Variants in CALD1 observed in about 807,000 individuals in gnomAD.
CALD1 encodes the protein caldesmon 1, also known as caldesmon.
Under a neutral mutation model 99.9 loss-of-function variants are expected in CALD1, and 33 were observed. That is an observed-to-expected ratio of 0.33 (90% CI 0.25 to 0.44). The LOEUF is 0.44. Ranked by LOEUF, CALD1 falls within the 20% of genes least tolerant of loss-of-function variation. The probability of loss-of-function intolerance (pLI) is 1.00; values close to 1 mark genes in which losing one functional copy is unlikely to be tolerated. For missense variants in CALD1, 861 were observed against 962.1 expected (o/e 0.89, Z 1.39); for synonymous variants, 310 against 325.0 (o/e 0.95, Z 0.50).
upstream of CALD1, among the ~76,000 whole-genome samples, chr7:134,774,796 C>A (rs1417373573): frequency 6.6e-6 from 1 of 152,194 alleles, no homozygotes; most frequent in Non-Finnish European, 1.5e-5. Context: ...TTTCCATAGT[C>A]CAAAATTTGC....
chr7:134,723,757 G>C, the CALD1 span, among the ~76,000 whole-genome samples: 1 of 152,048 alleles, frequency 6.6e-6, no homozygotes, highest in Non-Finnish European at 1.5e-5. Context: ...GGATGCTACT[G>C]AATGTTCCAC....
At chr7:134,808,626 G>A (rs989816158) in intron 1 of CALD1, among the ~76,000 whole-genome samples, 3 of 152,196 alleles carry the variant, frequency 2.0e-5, no homozygotes, top group Non-Finnish European at 4.4e-5. Flanking sequence ...GTACACACAA[G>A]GATGGAGATG....
chr7:134,783,844 G>A lies in CALD1; in HGVS notation c.-130+4095G>A, dbSNP rs1342351017. On this transcript the variant is annotated intron_variant, in intron 1 of 14. Coordinates refer to ENST00000361675, the MANE Select transcript of CALD1 (RefSeq NM_033138.4). The surrounding 1 kb of genome is among the most constrained non-coding windows in gnomAD (Gnocchi z 4.3). ...TCCATGATCTGGAAGGAAGAAAAGA[G>A]GGGGTAAATACACAGATATATAGGT... 6.6e-6 allele frequency among the ~76,000 whole-genome samples: 1 copy of A among 152,146 alleles called. No homozygotes were observed. The highest frequency in any genetic ancestry group is 2.4e-5 in the African/African-American group (1 of 41,428).
chr7:134,740,473 A>G (rs1198748795), upstream of CALD1, among the ~76,000 whole-genome samples: 1 of 152,226 alleles, frequency 6.6e-6, no homozygotes, highest in African/African-American at 2.4e-5. Flanking sequence ...GCAACTTGGC[A>G]GCAGTTGATG....
intron 3 of CALD1, among the ~76,000 whole-genome samples, chr7:134,905,555 G>C (rs1803307843): frequency 6.6e-6 from 1 of 152,022 alleles, no homozygotes; most frequent in South Asian, 2.1e-4. Flanking sequence ...GTTATTCCCT[G>C]TGTTTTCAGA....
intron 7 of CALD1, among the ~76,000 whole-genome samples, chr7:134,943,954 C>T (rs543957543): frequency 2.0e-5 from 3 of 152,278 alleles, no homozygotes; most frequent in East Asian, 1.9e-4. Flanking sequence ...TCCCTAATGA[C>T]GGACATTTTG....
At position 134,947,488 on chromosome 7, in the gene CALD1, C is replaced by A; in HGVS notation, c.1533-20C>A. 5 of 1,562,448 alleles carry A rather than the reference C, an allele frequency of 3.2e-6. No individual in the cohort carries two copies. The highest frequency in any genetic ancestry group is 4.3e-6 in the Non-Finnish European group (5 of 1,153,162). On this transcript the variant is annotated intron_variant, in intron 7 of 14. Transcript: ENST00000361675. ...CAGGCAAAAGCATGTAAACCCCTTT[C>A]CATTGCCCCCCAACCACAGCCGCCC...
intron 3 of CALD1, among the ~76,000 whole-genome samples, chr7:134,925,807 C>CGGAG (rs1804970617): frequency 6.6e-6 from 1 of 152,134 alleles, no homozygotes; most frequent in African/African-American, 2.4e-5. Context: ...ATGTCCCATA[C>CGGAG]GGAGTTTTAT....
the CALD1 span, among the ~76,000 whole-genome samples, chr7:134,725,241 T>C: frequency 0.011 from 1,673 of 152,286 alleles, 33 homozygotes; most frequent in African/African-American, 0.038. Flanking sequence ...TAATTCAATA[T>C]TTCTGGATCT....
intron 1 of CALD1, among the ~76,000 whole-genome samples, chr7:134,748,963 A>T (rs150760259): frequency 3.8e-4 from 58 of 152,292 alleles, no homozygotes; most frequent in African/African-American, 1.4e-3. Context: ...ATGTGAGGAC[A>T]CAGCAAGAAG....
intron 1 of CALD1, among the ~76,000 whole-genome samples, chr7:134,810,523 T>C (rs1009895103): frequency 4.6e-5 from 7 of 152,182 alleles, no homozygotes; most frequent in African/African-American, 1.7e-4. Context: ...GTGTCCCCTG[T>C]GTGATGGCTC....
At chr7:134,900,706 A>C (rs1802928672) in intron 3 of CALD1, among the ~76,000 whole-genome samples, 2 of 152,150 alleles carry the variant, frequency 1.3e-5, no homozygotes, top group African/African-American at 4.8e-5. Context: ...CCATCTGTTA[A>C]AGACATCTGT....
At chr7:134,748,722 A>C (rs865925228) in intron 1 of CALD1, among the ~76,000 whole-genome samples, 1,122 of 29,076 alleles carry the variant, frequency 0.039, 9 homozygotes, top group Middle Eastern at 0.14. Context: ...CCCGCCCCCC[A>C]AAAAAAACCA....
At chr7:134,833,501 T>C (rs1586060730) in intron 1 of CALD1, among the ~76,000 whole-genome samples, 1 of 152,356 alleles carries the variant, frequency 6.6e-6, no homozygotes, top group African/African-American at 2.4e-5. Context: ...AAAACAGCAG[T>C]ACTATTCTTC....
intron 2 of CALD1, among the ~76,000 whole-genome samples, chr7:134,863,515 C>T (rs1333165664): frequency 1.3e-5 from 2 of 152,232 alleles, no homozygotes; most frequent in African/African-American, 2.4e-5. Flanking sequence ...ACTGCATTTA[C>T]ACACGTGCTC....
At chr7:134,940,155 T>C (rs2133050051) in intron 6 of CALD1, among the ~76,000 whole-genome samples, 1 of 152,260 alleles carries the variant, frequency 6.6e-6, no homozygotes, top group South Asian at 2.1e-4. Context: ...AAAAGAACCA[T>C]CGTGAATGCA....
At chr7:134,729,821 A>G in the CALD1 span, among the ~76,000 whole-genome samples, 111,101 of 152,178 alleles carry the variant, frequency 0.73, 42,020 homozygotes, top group East Asian at 0.99. Flanking sequence ...CTGCCTATTG[A>G]AAGCAAAGAT....
At chr7:134,940,735 C>G (rs1806363654) in intron 6 of CALD1, among the ~76,000 whole-genome samples, 1 of 152,174 alleles carries the variant, frequency 6.6e-6, no homozygotes, top group South Asian at 2.1e-4. Flanking sequence ...TCCATCAAAG[C>G]CATCCTAATA....
intron 3 of CALD1, among the ~76,000 whole-genome samples, chr7:134,917,538 C>A (rs10241656): frequency 0.49 from 73,658 of 151,698 alleles, 18,493 homozygotes; most frequent in East Asian, 0.86. Flanking sequence ...TTAGTAGAGA[C>A]GGAGTTTCAC....
Sources: allele counts gnomAD v4.1 joint callset (sites outside exome capture counted in the v4.1 genomes callset), GRCh38; gene constraint gnomAD v4.1.1; non-coding constraint Gnocchi (gnomAD v3.1); transcripts MANE v1.5; gene names NCBI Gene and HGNC (gene_info 2026-07-23, HGNC 2026-07-21).